The following FGD4 variants were observed in gnomAD, a reference collection of about 807,000 sequenced individuals.
FGD4 encodes FYVE, RhoGEF and PH domain-containing protein 4.
Under a neutral mutation model 102.0 loss-of-function variants are expected in FGD4, and 42 were observed. That is an observed-to-expected ratio of 0.41 (90% confidence interval 0.32 to 0.53). The LOEUF is 0.53. FGD4 is among the 20% of genes least tolerant of loss of function. The pLI is 0.21. For synonymous variants in FGD4, 380 were observed against 375.7 expected (o/e 1.01, Z -0.13); for missense variants, 902 against 1,078.2 (o/e 0.84, Z 2.29).
At chr12:32,413,308 GA>G (rs577887555) in intron 1 of FGD4, among the ~76,000 whole-genome samples, 40 of 151,094 alleles carry the variant, frequency 2.6e-4, no homozygotes, top group African/African-American at 8.0e-4. Flanking sequence ...CCTATTTATA[GA>G]AAAAAAAACT....
At chr12:32,542,411 A>C (rs992698026) in intron 1 of FGD4, among the ~76,000 whole-genome samples, 1 of 152,238 alleles carries the variant, frequency 6.6e-6, no homozygotes, top group Non-Finnish European at 1.5e-5. Flanking sequence ...GTGAAGAGAA[A>C]CATTTGTTCA....
At chr12:32,421,761 C>A (rs1266379664) in intron 1 of FGD4, among the ~76,000 whole-genome samples, 1 of 152,024 alleles carries the variant, frequency 6.6e-6, no homozygotes, top group Non-Finnish European at 1.5e-5. Flanking sequence ...AAGCAAAAAA[C>A]AAAAAACCAA....
At chr12:32,488,168 G>A (rs1454145689) in intron 1 of FGD4, among the ~76,000 whole-genome samples, 20 of 148,822 alleles carry the variant, frequency 1.3e-4, no homozygotes, top group African/African-American at 4.4e-4. Context: ...GAATAATTCA[G>A]CCACAGGAAA....
chr12:32,403,814 C>T (rs1940800614), intron 1 of FGD4, among the ~76,000 whole-genome samples: 1 of 152,016 alleles, frequency 6.6e-6, no homozygotes, highest in African/African-American at 2.4e-5. Context: ...CTAGGATGGT[C>T]TCAATATCAT....
chr12:32,559,507 G>C (rs2136239641), intron 1 of FGD4, among the ~76,000 whole-genome samples: 1 of 152,290 alleles, frequency 6.6e-6, no homozygotes, highest in Non-Finnish European at 1.5e-5. Flanking sequence ...CTTTGTGATA[G>C]TGGCTGAAAT....
intron 1 of FGD4, among the ~76,000 whole-genome samples, chr12:32,440,295 A>G (rs1031092436): frequency 6.6e-6 from 1 of 152,128 alleles, no homozygotes; most frequent in African/African-American, 2.4e-5. Flanking sequence ...CCTTCTTGGG[A>G]AGGCTTTTCA....
intron 8 of FGD4, among the ~76,000 whole-genome samples, chr12:32,610,369 T>C (rs542018386): frequency 3.8e-4 from 58 of 152,330 alleles, no homozygotes; most frequent in Non-Finnish European, 7.3e-4. Context: ...TGAATTTTTG[T>C]TTACATTTTG....
At chr12:32,467,121 C>A (rs536304665) in intron 1 of FGD4, among the ~76,000 whole-genome samples, 2 of 152,230 alleles carry the variant, frequency 1.3e-5, no homozygotes, top group African/African-American at 4.8e-5. Flanking sequence ...GAAACAGTTA[C>A]AAATGCAAAG....
At chr12:32,622,461 C>T (rs1949901670) in intron 11 of FGD4, among the ~76,000 whole-genome samples, 1 of 152,046 alleles carries the variant, frequency 6.6e-6, no homozygotes, top group Non-Finnish European at 1.5e-5. Context: ...TACTGGATAC[C>T]TCCCAATTCT....
intron 1 of FGD4, among the ~76,000 whole-genome samples, chr12:32,421,807 T>C (rs1941636049): frequency 6.6e-6 from 1 of 152,078 alleles, no homozygotes; most frequent in Non-Finnish European, 1.5e-5. Flanking sequence ...GCTATGCATG[T>C]TTAGAAACTG....
intron 1 of FGD4, among the ~76,000 whole-genome samples, chr12:32,474,972 G>A (rs1172130752): frequency 1.3e-5 from 2 of 152,164 alleles, no homozygotes; most frequent in African/African-American, 4.8e-5. Context: ...ATATGTATCT[G>A]TGAATATAGT....
chr12:32,466,094 T>G (rs978975610), intron 1 of FGD4, among the ~76,000 whole-genome samples: 2 of 152,188 alleles, frequency 1.3e-5, no homozygotes, highest in African/African-American at 2.4e-5. Flanking sequence ...ATATTTTAAT[T>G]AAGGATGTCG....
chr12:32,526,018 G>A (rs1357017334), intron 1 of FGD4, among the ~76,000 whole-genome samples: 4 of 152,362 alleles, frequency 2.6e-5, no homozygotes, highest in East Asian at 1.9e-4. Context: ...GCTCCACGGC[G>A]CCCAGTCCCA....
intron 1 of FGD4, among the ~76,000 whole-genome samples, chr12:32,473,059 G>C (rs11052018): frequency 0.36 from 53,284 of 148,526 alleles, 9,818 homozygotes; most frequent in South Asian, 0.49. Flanking sequence ...TGGAGAACCT[G>C]TGTGTCCAAA....
intron 4 of FGD4, among the ~76,000 whole-genome samples, chr12:32,587,547 C>T (rs1165653604): frequency 2.0e-5 from 3 of 151,924 alleles, no homozygotes; most frequent in African/African-American, 4.8e-5. Flanking sequence ...TGCACCATCA[C>T]GCCTGGCTAA....
chr12:32,520,020 A>G (rs1269633125), intron 1 of FGD4, among the ~76,000 whole-genome samples: 1 of 152,220 alleles, frequency 6.6e-6, no homozygotes, highest in East Asian at 1.9e-4. Flanking sequence ...ATAATGTAAT[A>G]TCTTCTGAGA....
In FGD4 at chr12:32,625,048, G is replaced by T; in HGVS notation, c.2026G>T (p.Asp676Tyr). Residue 676 changes from aspartate to tyrosine, a missense_variant, in exon 13 of 17, where the codon GAC becomes TAC. Asp to Tyr is a radical substitution (Grantham distance 160, BLOSUM62 -3). Transcript: ENST00000534526. Reference protein sequence around the residue: ...TFRNAIAKDNDIHSEVSTAEL... With the variant: ...TFRNAIAKDNYIHSEVSTAEL... The stretch of plus-strand genomic sequence containing the variant: ...CAGAAATGCAATTGCAAAGGATAAT[G>T]ACATTCACTCAGAGGTTTCTGTGAG... 1.2e-6 allele frequency: 2 copies of T among 1,612,844 alleles called. No homozygotes were observed. Among genetic ancestry groups the T allele is most frequent in the South Asian group, 2.2e-5 (2 of 90,988 alleles).
chr12:32,606,702 C>T (rs1171075124), intron 7 of FGD4, among the ~76,000 whole-genome samples: 1 of 152,184 alleles, frequency 6.6e-6, no homozygotes, highest in Non-Finnish European at 1.5e-5. Flanking sequence ...TGATGCTTTG[C>T]AGTACCCTGA....
At chr12:32,538,299 TGGGTGC>T (rs1942487869) in intron 1 of FGD4, among the ~76,000 whole-genome samples, 2 of 152,364 alleles carry the variant, frequency 1.3e-5, no homozygotes, top group South Asian at 4.1e-4. Flanking sequence ...TAATAGATAC[TGGGTGC>T]TTTGTTAATA....
Sources: gnomAD v4.1 joint callset for allele counts (sites outside exome capture counted in the v4.1 genomes callset) on GRCh38, gnomAD v4.1.1 for gene constraint, MANE v1.5 for transcripts, NCBI Gene and HGNC (gene_info 2026-07-23, HGNC 2026-07-21) for gene names.